Variants in BOLL observed in about 807,000 individuals in gnomAD.
BOLL encodes the protein boule RNA binding protein, also known as protein boule-like.
BOLL carries 23 observed loss-of-function variants against 44.4 expected under a neutral mutation model. The ratio of observed to expected loss-of-function variants is 0.52; its 90% CI spans 0.37 to 0.73. The LOEUF (loss-of-function observed/expected upper bound fraction) is 0.73. Ranked by LOEUF, BOLL falls within the 30% of genes least tolerant of loss-of-function variation. BOLL has a pLI of 0.00. For missense variants in BOLL, 287 were observed against 338.3 expected, an observed-to-expected ratio of 0.85 and a Z score of 1.19; for synonymous variants, 97 against 110.8, an observed-to-expected ratio of 0.88 and a Z score of 0.78.
intron 9 of BOLL, among the ~76,000 whole-genome samples, chr2:197,743,911 C>T (rs1310804694): frequency 6.6e-6 from 1 of 151,686 alleles, no homozygotes; most frequent in Non-Finnish European, 1.5e-5. Flanking sequence ...CCCGGCTTCA[C>T]ACCATTCTCC....
At chr2:197,732,447 C>G (rs928491705) in intron 10 of BOLL, among the ~76,000 whole-genome samples, 5 of 152,112 alleles carry the variant, frequency 3.3e-5, no homozygotes, top group Non-Finnish European at 7.4e-5. Flanking sequence ...GGAATCCTCC[C>G]TAACTCATTT....
chr2:197,784,041 A>T (rs146278062), intron 1 of BOLL, among the ~76,000 whole-genome samples: 223 of 152,138 alleles, frequency 1.5e-3, no homozygotes, highest in African/African-American at 5.0e-3. Flanking sequence ...ACTAAAGGAT[A>T]CTCCCTGAGA....
intron 1 of BOLL, among the ~76,000 whole-genome samples, chr2:197,782,372 A>C (rs1689829306): frequency 6.6e-6 from 1 of 152,210 alleles, no homozygotes; most frequent in Non-Finnish European, 1.5e-5. Flanking sequence ...GCTGACAAAA[A>C]CAAAGGCATT....
chr2:197,731,747 A>G (rs1687192038), intron 10 of BOLL, among the ~76,000 whole-genome samples: 2 of 152,122 alleles, frequency 1.3e-5, no homozygotes, highest in Admixed American at 1.3e-4. Flanking sequence ...GCAGAAATAA[A>G]GATGTTCTTT....
intron 9 of BOLL, among the ~76,000 whole-genome samples, 197 bp downstream of exon 9, chr2:197,756,231 T>C (rs1317136476): frequency 6.6e-6 from 1 of 152,176 alleles, no homozygotes; most frequent in Non-Finnish European, 1.5e-5. Flanking sequence ...ATTTGGGAAA[T>C]GGTTCAGAAC....
At chr2:197,729,949 C>G (rs1158934493) in intron 10 of BOLL, among the ~76,000 whole-genome samples, 3 of 152,118 alleles carry the variant, frequency 2.0e-5, no homozygotes, top group Non-Finnish European at 4.4e-5. Context: ...AGCAACAGAA[C>G]AAAGCTGGAT....
At chr2:197,764,159 C>G (rs117881651) in intron 7 of BOLL, among the ~76,000 whole-genome samples, 2 of 152,264 alleles carry the variant, frequency 1.3e-5, no homozygotes, top group East Asian at 3.9e-4. Context: ...AATAGAACTA[C>G]CATATGATCT....
chr2:197,774,807 A>T (rs1221745397), intron 5 of BOLL: 1 of 151,934 alleles, frequency 6.6e-6, no homozygotes, highest in Admixed American at 6.6e-5. Context: ...GTCAAAATTA[A>T]ACTTAATATA....
intron 4 of BOLL, among the ~76,000 whole-genome samples, chr2:197,776,753 C>T (rs1465461036): frequency 6.6e-6 from 1 of 151,870 alleles, no homozygotes; most frequent in East Asian, 1.9e-4. Context: ...GATAACCTCA[C>T]TGTTGGAATC....
intron 8 of BOLL, among the ~76,000 whole-genome samples, chr2:197,756,860 T>C (rs1688539026): frequency 6.6e-6 from 1 of 152,162 alleles, no homozygotes; most frequent in African/African-American, 2.4e-5. Context: ...GTTGTGATAA[T>C]GTGATCTATG....
intron 4 of BOLL, among the ~76,000 whole-genome samples, chr2:197,775,972 G>A (rs1689490858): frequency 6.6e-6 from 1 of 151,772 alleles, no homozygotes. Context: ...CATGGATTCT[G>A]TATTTGTGAA....
At chr2:197,749,879 C>G (rs1424379966) in intron 9 of BOLL, among the ~76,000 whole-genome samples, 3 of 152,024 alleles carry the variant, frequency 2.0e-5, no homozygotes, top group Non-Finnish European at 4.4e-5. Context: ...TTAGAAAATA[C>G]AGAGACCACC....
chr2:197,778,506 C>A (rs1689617809), intron 3 of BOLL, among the ~76,000 whole-genome samples: 1 of 151,710 alleles, frequency 6.6e-6, no homozygotes, highest in Non-Finnish European at 1.5e-5. Context: ...ATTGATATAG[C>A]AATTAAAAAT....
intron 7 of BOLL, among the ~76,000 whole-genome samples, chr2:197,765,185 G>C (rs920445299): frequency 6.6e-6 from 1 of 152,052 alleles, no homozygotes; most frequent in Non-Finnish European, 1.5e-5. Flanking sequence ...TAGGGAGAAG[G>C]AGTAGGAAGA....
chr2:197,767,318 G>C (rs1306930146), intron 6 of BOLL, among the ~76,000 whole-genome samples: 1 of 151,920 alleles, frequency 6.6e-6, no homozygotes, highest in Non-Finnish European at 1.5e-5. Flanking sequence ...TCTAATGTGG[G>C]ATCTAACTTA....
intron 10 of BOLL, 42 bp from the exon 11 acceptor site, chr2:197,728,620 GAA>G: frequency 7.5e-7 from 1 of 1,340,442 alleles, no homozygotes; most frequent in Non-Finnish European, 1.1e-6. Flanking sequence ...AGACTGAATG[GAA>G]AAAAAAAGAT....
rs1008576534 is a variant in BOLL at position 197,759,893 on chromosome 2, C to T, written c.553-2493G>A. Among the ~76,000 whole-genome samples the T allele has an allele frequency of 7.2e-5, 11 of 152,192 alleles. No homozygotes were observed. In the East Asian group the frequency reaches 7.7e-4, roughly 11 times the overall value. On this transcript the variant is annotated intron_variant, in intron 7 of 10. Coordinates refer to ENST00000392296, the MANE Select transcript of BOLL (RefSeq NM_033030.6). ...TCACGCCCTGCAGACAAGCCCCTGACCTACCCTGTGCATGCAATTAGAGCC... is the reference window on the plus strand; with the variant it reads ...TCACGCCCTGCAGACAAGCCCCTGATCTACCCTGTGCATGCAATTAGAGCC...
intron 4 of BOLL, among the ~76,000 whole-genome samples, chr2:197,775,986 G>A (rs1030342399): frequency 2.0e-5 from 3 of 151,774 alleles, no homozygotes; most frequent in Non-Finnish European, 4.4e-5. Flanking sequence ...TTGTGAATTT[G>A]CCTACTTGCT....
rs761940825 is a variant in BOLL, at chr2:197,779,056, C to T, written c.140G>A (p.Ser47Asn). 2.1e-5 allele frequency: 33 copies of T among 1,608,388 alleles called. No homozygotes were observed. The highest frequency in any genetic ancestry group is 2.7e-5 in the Non-Finnish European group (32 of 1,176,480). The change falls in exon 3 of 11, where the codon AGT becomes AAT. Residue 47 changes from serine to asparagine, a missense_variant. Ser to Asn is a conservative substitution (Grantham distance 46). Coordinates refer to ENST00000392296, the MANE Select transcript of BOLL (RefSeq NM_033030.6). ...VGGIDFKTNE[S>N]DLRKFFSQYG... ...CTGGGAAAAAAATTTTCTTAAATCACTTTCGTTTGTCTAATGGCATAAAAA... is the reference window on the plus strand; with the variant it reads ...CTGGGAAAAAAATTTTCTTAAATCATTTTCGTTTGTCTAATGGCATAAAAA...
Sources: gnomAD v4.1 joint callset for allele counts (sites outside exome capture counted in the v4.1 genomes callset) on GRCh38, gnomAD v4.1.1 for gene constraint, MANE v1.5 for transcripts, NCBI Gene and HGNC (gene_info 2026-07-23, HGNC 2026-07-21) for gene names.